The following IL7 variants were observed in gnomAD, a reference collection of about 807,000 sequenced individuals.
IL7 encodes interleukin 7.
In IL7, 3 loss-of-function variants were observed where a neutral mutation model predicts 21.6. That is an observed-to-expected ratio of 0.14 (90% confidence interval 0.06 to 0.36). IL7 has a LOEUF of 0.36. Ranked by LOEUF, IL7 falls within the 10% of genes least tolerant of loss-of-function variation. The pLI is 1.00. For missense variants in IL7, 175 were observed against 200.2 expected, an observed-to-expected ratio of 0.87 and a Z score of 0.76; for synonymous variants, 62 against 68.1, an observed-to-expected ratio of 0.91 and a Z score of 0.44.
At chr8:78,797,393 T>A (rs1434946960) in intron 2 of IL7, among the ~76,000 whole-genome samples, 1 of 151,996 alleles carries the variant, frequency 6.6e-6, no homozygotes, top group Non-Finnish European at 1.5e-5. Flanking sequence ...TAATGTTAAC[T>A]ATGCACTTAT....
At chr8:78,762,488 C>G in intron 2 of IL7, 3 of 1,374,006 alleles carry the variant, frequency 2.2e-6, no homozygotes, top group Non-Finnish European at 2.9e-6. Context: ...CAGGGCAGTC[C>G]GCCCGCCCGT....
chr8:78,699,480 T>G (rs1019189180), intron 3 of IL7, among the ~76,000 whole-genome samples: 1 of 152,152 alleles, frequency 6.6e-6, no homozygotes, highest in African/African-American at 2.4e-5. Context: ...AATTTTAACT[T>G]TTAAGTTCAG....
At chr8:78,706,419 A>C (rs923225636) in intron 3 of IL7, among the ~76,000 whole-genome samples, 1 of 152,098 alleles carries the variant, frequency 6.6e-6, no homozygotes, top group Admixed American at 6.6e-5. Flanking sequence ...AAGACTCCCC[A>C]TATCTGTATG....
At chr8:78,749,493 A>C (rs1255625189) in intron 2 of IL7, among the ~76,000 whole-genome samples, 1 of 152,156 alleles carries the variant, frequency 6.6e-6, no homozygotes, top group African/African-American at 2.4e-5. Flanking sequence ...AGGATCCCCA[A>C]ATTAGAGAAA....
At chr8:78,711,061 AG>A (rs1162953837) in intron 3 of IL7, among the ~76,000 whole-genome samples, 1 of 152,104 alleles carries the variant, frequency 6.6e-6, no homozygotes, top group African/African-American at 2.4e-5. Context: ...GACACATAAT[AG>A]ATGCTCATAA....
At chr8:78,675,231 TA>T (rs1340768675), downstream of IL7, among the ~76,000 whole-genome samples, 1 of 151,818 alleles carries the variant, frequency 6.6e-6, no homozygotes. Context: ...TGACTCTTAA[TA>T]TAAGTATTAT....
intron 2 of IL7, among the ~76,000 whole-genome samples, chr8:78,753,722 C>G (rs554055144): frequency 6.6e-6 from 1 of 152,238 alleles, no homozygotes; most frequent in East Asian, 1.9e-4. Context: ...ATGTTTAAGT[C>G]TTTAATCCAT....
At chr8:78,798,519 A>G (rs1420710948) in intron 1 of IL7, among the ~76,000 whole-genome samples, 2 of 152,066 alleles carry the variant, frequency 1.3e-5, no homozygotes, top group South Asian at 2.1e-4. Context: ...TTTATGTTGA[A>G]CATCCCCATA....
intron 2 of IL7, among the ~76,000 whole-genome samples, chr8:78,781,120 G>GAGATGTGTCTCTTAAATACAGC (rs1385054417): frequency 1.3e-5 from 2 of 152,110 alleles, no homozygotes; most frequent in African/African-American, 4.8e-5. Flanking sequence ...CTTTGTACAT[G>GAGATGTGTCTCTTAAATACAGC]AGATGTGTCT....
At chr8:78,680,286 CAAAAAAAAAAAA>C (rs3070855) in intron 4 of IL7, among the ~76,000 whole-genome samples, 55 of 88,148 alleles carry the variant, frequency 6.2e-4, no homozygotes, top group African/African-American at 2.3e-3. Flanking sequence ...GACTCCGTCT[CAAAAAAAAAAAA>C]AAAAAAAAAA....
chr8:78,717,254 C>T, downstream of IL7: 2 of 1,346,550 alleles, frequency 1.5e-6, no homozygotes, highest in Admixed American at 2.4e-5. Flanking sequence ...TATTTATGTC[C>T]TGTTTCTCCA....
chr8:78,742,180 C>T (rs1296624443), intron 2 of IL7, among the ~76,000 whole-genome samples: 9 of 151,118 alleles, frequency 6.0e-5, no homozygotes, highest in African/African-American at 1.9e-4. Context: ...AAAAATTAGC[C>T]GGGTGTGGTG....
chr8:78,758,203 C>CAAAA (rs1812418608), intron 2 of IL7, among the ~76,000 whole-genome samples: 1 of 151,992 alleles, frequency 6.6e-6, no homozygotes, highest in African/African-American at 2.4e-5. Flanking sequence ...TTTGTGTTTT[C>CAAAA]TTTTCTACCC....
Position 78,791,784 on chromosome 8 carries a change from C to A in IL7, c.147+6288G>T, listed in dbSNP as rs182610902. ...TACTCTTAAGCTCCCCACCACTTCT[C>A]TACAGTCTGTCATTACTTCTGTCCA... On this transcript the variant is annotated intron_variant, in intron 2 of 5. Transcript: ENST00000263851. Among the ~76,000 whole-genome samples the A allele has an allele frequency of 1.6e-4, 25 of 152,250 alleles. No homozygotes were observed. The East Asian group carries it at 4.4e-3, about 27-fold the overall frequency.
downstream of IL7, among the ~76,000 whole-genome samples, chr8:78,713,673 T>G (rs1811014629): frequency 6.6e-6 from 1 of 152,144 alleles, no homozygotes; most frequent in Non-Finnish European, 1.5e-5. Flanking sequence ...ATTCTTTGCT[T>G]GTTGAAGTTT....
Position 78,732,864 on chromosome 8 carries a change from T to C in IL7, c.*849A>G, listed in dbSNP as rs941414523. On this transcript the variant is annotated 3_prime_UTR_variant, in exon 6 of 6. Transcript: ENST00000263851. ...TATGAAAATATTTTATATACAGATA[T>C]AGTGTCAAAATTAAATACAGATATT... 2 of 152,148 alleles carry C rather than the reference T, an allele frequency of 1.3e-5. No homozygotes were observed. The highest frequency in any genetic ancestry group is 2.1e-4 in the South Asian group (1 of 4,828). The allele number at this position is 152,148 out of a possible 1,614,324, so 9.4% of individuals were successfully genotyped here.
intron 2 of IL7, among the ~76,000 whole-genome samples, chr8:78,750,246 A>G (rs1026123712): frequency 6.6e-6 from 1 of 152,152 alleles, no homozygotes; most frequent in Admixed American, 6.5e-5. Context: ...AAAAAAGAGC[A>G]GCACTGAAAG....
intron 2 of IL7, among the ~76,000 whole-genome samples, chr8:78,766,554 TAAAA>T (rs1424881596): frequency 6.6e-6 from 1 of 152,102 alleles, no homozygotes; most frequent in Non-Finnish European, 1.5e-5. Context: ...TTCATTTTGT[TAAAA>T]AATAGGATCA....
At chr8:78,754,663 T>G (rs919956733) in intron 2 of IL7, among the ~76,000 whole-genome samples, 4 of 151,938 alleles carry the variant, frequency 2.6e-5, no homozygotes, top group Admixed American at 6.6e-5. Context: ...TGCTCACTTT[T>G]TAATCAGGTT....
Sources: allele counts gnomAD v4.1 joint callset (sites outside exome capture counted in the v4.1 genomes callset), GRCh38; gene constraint gnomAD v4.1.1; transcripts MANE v1.5; gene names NCBI Gene and HGNC (gene_info 2026-07-23, HGNC 2026-07-21).